Variants in TRPM6 observed in about 807,000 individuals in gnomAD.
TRPM6 encodes channel kinase 2.
Under a neutral mutation model 247.6 loss-of-function variants are expected in TRPM6, and 111 were observed. That is an observed-to-expected ratio of 0.45 (90% CI 0.38 to 0.52). The LOEUF is 0.52. Among genes scored for constraint, TRPM6 ranks in the 20% least tolerant of loss-of-function variants. The probability of loss-of-function intolerance (pLI) is 0.00; values close to 1 mark genes in which losing one functional copy is unlikely to be tolerated. For synonymous variants in TRPM6, 892 were observed against 853.8 expected (o/e 1.04, Z -0.78); for missense variants, 2,126 against 2,421.5 (o/e 0.88, Z 2.56).
intron 7 of TRPM6, among the ~76,000 whole-genome samples, chr9:74,823,446 C>T (rs1829203177): frequency 6.6e-6 from 1 of 152,200 alleles, no homozygotes; most frequent in Non-Finnish European, 1.5e-5. Flanking sequence ...AGTATGTGGT[C>T]TTCCATGTGT....
At chr9:74,802,795 T>G (rs963763880) in intron 15 of TRPM6, among the ~76,000 whole-genome samples, 4 of 152,222 alleles carry the variant, frequency 2.6e-5, no homozygotes, top group African/African-American at 4.8e-5. Context: ...CAGGTGATCA[T>G]GAAATACCAT....
intron 1 of TRPM6, among the ~76,000 whole-genome samples, chr9:74,872,623 T>TGTGTGC (rs1032728759): frequency 1.3e-5 from 2 of 151,672 alleles, no homozygotes; most frequent in African/African-American, 4.8e-5. Context: ...TGTGTGTGTG[T>TGTGTGC]GCATGCGCGC....
At chr9:74,887,119 T>C (rs1385324481) in intron 1 of TRPM6, 1 of 604,308 alleles carries the variant, frequency 1.7e-6, no homozygotes, top group Admixed American at 3.8e-5. Flanking sequence ...CAGAACTTCC[T>C]GTTGCGCCAT....
intron 27 of TRPM6, among the ~76,000 whole-genome samples, chr9:74,757,409 T>C (rs1826464331): frequency 6.7e-6 from 1 of 150,136 alleles, no homozygotes. Flanking sequence ...CTACTAAAAA[T>C]ACAAAAATCA....
chr9:74,791,856 T>C (rs1827913014), intron 19 of TRPM6, among the ~76,000 whole-genome samples: 1 of 152,162 alleles, frequency 6.6e-6, no homozygotes, highest in Non-Finnish European at 1.5e-5. Flanking sequence ...CCTGGGGTTC[T>C]CGCCATTCTC....
intron 21 of TRPM6, 62 bp from the exon 22 acceptor site, chr9:74,782,915 A>C: frequency 6.7e-7 from 1 of 1,495,862 alleles, no homozygotes; most frequent in Non-Finnish European, 9.3e-7. Context: ...AAGAAACCAA[A>C]CACCAGCAGC....
intron 38 of TRPM6, among the ~76,000 whole-genome samples, chr9:74,725,288 C>T (rs181527828): frequency 9.2e-5 from 14 of 151,950 alleles, no homozygotes; most frequent in African/African-American, 1.7e-4. Context: ...AAGACATGTA[C>T]GGAGGAAAAT....
intron 20 of TRPM6, 27 bp downstream of exon 20, chr9:74,788,587 A>G: frequency 6.2e-7 from 1 of 1,613,496 alleles, no homozygotes. Flanking sequence ...ACATATGCAG[A>G]AGATAAAGGT....
At chr9:74,804,919 T>C (rs1346860001) in intron 14 of TRPM6, 1 of 309,436 alleles carries the variant, frequency 3.2e-6, no homozygotes, top group Non-Finnish European at 5.9e-6. Context: ...TTATGGAAAA[T>C]AAAGTTTAAA....
chr9:74,780,956 A>G (rs1827418913), intron 23 of TRPM6, among the ~76,000 whole-genome samples: 1 of 152,166 alleles, frequency 6.6e-6, no homozygotes, highest in Non-Finnish European at 1.5e-5. Context: ...TATGTTGGGA[A>G]AGAGGGGAGA....
chr9:74,859,168 A>C (rs996402922), intron 1 of TRPM6, among the ~76,000 whole-genome samples: 1 of 152,228 alleles, frequency 6.6e-6, no homozygotes, highest in Non-Finnish European at 1.5e-5. Context: ...TTTCACAGGA[A>C]GCTGGAAAGA....
rs892985688 is a variant in TRPM6 at position 74,724,270 on chromosome 9, TC to T, written c.*342del. 4.2e-5 allele frequency: 15 copies of T among 353,454 alleles called. No homozygotes were observed. The highest frequency in any genetic ancestry group is 6.3e-5 in the African/African-American group (3 of 47,818). The allele number at this position is 353,454 out of a possible 1,614,324, so 21.9% of individuals were successfully genotyped here. ...ATAGTGAGAAAATAAAATAAATGTA[TC>T]CCCCCCAACCCCATCCTTTAATGTG... On this transcript the variant is annotated 3_prime_UTR_variant, in exon 39 of 39. Coordinates refer to ENST00000360774, the MANE Select transcript of TRPM6 (RefSeq NM_017662.5).
chr9:74,738,678 C>T, intron 35 of TRPM6, 66 bp from the exon 36 acceptor site: 2 of 1,355,478 alleles, frequency 1.5e-6, no homozygotes, highest in Non-Finnish European at 2.1e-6. Context: ...CCTTACTGAG[C>T]AGTCATCAGC....
chr9:74,774,288 A>C (rs536924919), intron 24 of TRPM6, among the ~76,000 whole-genome samples: 51 of 152,272 alleles, frequency 3.3e-4, no homozygotes, highest in Non-Finnish European at 6.9e-4. Context: ...GGCAAATCCT[A>C]GTCAATTCCA....
chr9:74,788,558 A>G, intron 20 of TRPM6, 56 bp downstream of exon 20: 2 of 1,607,326 alleles, frequency 1.2e-6, no homozygotes. Flanking sequence ...CTTTCAGTGG[A>G]CACCTACAGA....
chr9:74,780,745 A>G (rs997023546), intron 23 of TRPM6, among the ~76,000 whole-genome samples: 1 of 152,184 alleles, frequency 6.6e-6, no homozygotes, highest in Non-Finnish European at 1.5e-5. Context: ...GAGTTAACAG[A>G]AGTTCCTGAG....
At chr9:74,837,507 C>A (rs1829765684) in intron 5 of TRPM6, among the ~76,000 whole-genome samples, 1 of 151,744 alleles carries the variant, frequency 6.6e-6, no homozygotes, top group South Asian at 2.1e-4. Flanking sequence ...AGTGCAGTGG[C>A]ACGATCTCGG....
intron 3 of TRPM6, among the ~76,000 whole-genome samples, chr9:74,844,285 C>G (rs541358027): frequency 6.6e-6 from 1 of 152,290 alleles, no homozygotes; most frequent in Admixed American, 6.5e-5. Context: ...AGTTTTGAAG[C>G]CAGACATTGA....
At chr9:74,805,083 A>G (rs1185015353) in intron 14 of TRPM6, among the ~76,000 whole-genome samples, 2 of 152,226 alleles carry the variant, frequency 1.3e-5, no homozygotes, top group African/African-American at 4.8e-5. Flanking sequence ...CAAATGAGCA[A>G]AGACTGAATC....
Sources: gnomAD v4.1 joint callset for allele counts (sites outside exome capture counted in the v4.1 genomes callset) on GRCh38, gnomAD v4.1.1 for gene constraint, MANE v1.5 for transcripts, NCBI Gene and HGNC (gene_info 2026-07-23, HGNC 2026-07-21) for gene names.